Variants in MAD1L1 observed in about 807,000 individuals in gnomAD.
MAD1L1 encodes the protein mitotic arrest deficient 1 like 1.
A neutral mutation model predicts 96.9 loss-of-function variants in MAD1L1; 95 were observed. The ratio of observed to expected loss-of-function variants is 0.98; its 90% CI spans 0.83 to 1.16. The LOEUF is 1.16. MAD1L1 is among the 50% of genes most tolerant of loss of function. The pLI, the probability that MAD1L1 is intolerant of heterozygous loss-of-function variation, is 0.00. For missense variants in MAD1L1, 1,007 were observed against 954.4 expected (o/e 1.06, Z -0.73); for synonymous variants, 473 against 396.6 (o/e 1.19, Z -2.29).
At chr7:2,012,517 G>A (rs528530925) in intron 13 of MAD1L1, among the ~76,000 whole-genome samples, 1 of 152,352 alleles carries the variant, frequency 6.6e-6, no homozygotes, top group South Asian at 2.1e-4. Context: ...GACGACTGAA[G>A]GTCAGTGTGC....
intron 18 of MAD1L1, among the ~76,000 whole-genome samples, chr7:1,865,847 C>T (rs528961074): frequency 1.3e-4 from 20 of 152,354 alleles, no homozygotes; most frequent in Admixed American, 7.2e-4. Flanking sequence ...CCCTGTGCAC[C>T]GCCTGGGGGC....
chr7:2,010,898 A>AG (rs1455260450), intron 13 of MAD1L1, among the ~76,000 whole-genome samples: 3 of 152,090 alleles, frequency 2.0e-5, no homozygotes, highest in Admixed American at 1.3e-4. Context: ...TAGGAGTGTG[A>AG]GTGGGGGACA....
chr7:2,070,118 C>T (rs1026511917), intron 11 of MAD1L1, among the ~76,000 whole-genome samples: 9 of 152,220 alleles, frequency 5.9e-5, no homozygotes, highest in Non-Finnish European at 1.0e-4. Context: ...GGTGAGCTTC[C>T]GAGTTCGTGG....
At chr7:1,852,375 G>A (rs909508343) in intron 18 of MAD1L1, among the ~76,000 whole-genome samples, 6 of 152,150 alleles carry the variant, frequency 3.9e-5, no homozygotes, top group African/African-American at 1.4e-4. Context: ...GCCACCCTTA[G>A]ACTCAGAGCC....
At chr7:1,955,087 G>C (rs900623342) in intron 16 of MAD1L1, among the ~76,000 whole-genome samples, 1 of 152,234 alleles carries the variant, frequency 6.6e-6, no homozygotes, top group Non-Finnish European at 1.5e-5. Context: ...CCAGCTCTAA[G>C]GGGTAACTGA....
intron 18 of MAD1L1, among the ~76,000 whole-genome samples, chr7:1,818,350 G>A (rs1454160967): frequency 6.6e-6 from 1 of 152,128 alleles, no homozygotes; most frequent in Non-Finnish European, 1.5e-5. Context: ...GGCCCTCAGA[G>A]GCTGGCAGGC....
intron 11 of MAD1L1, chr7:2,079,962 G>T: frequency 5.7e-6 from 2 of 351,250 alleles, no homozygotes; most frequent in Non-Finnish European, 1.1e-5. Context: ...AGGTGTCCTG[G>T]ACACATCTAC....
intron 15 of MAD1L1, among the ~76,000 whole-genome samples, chr7:1,979,044 CG>C (rs1363899352): frequency 6.6e-6 from 1 of 152,176 alleles, no homozygotes; most frequent in Non-Finnish European, 1.5e-5. Context: ...CTTCCTGGGC[CG>C]GGGCCACACT....
intron 14 of MAD1L1, among the ~76,000 whole-genome samples, chr7:1,985,469 G>A (rs1300680522): frequency 1.4e-5 from 2 of 140,388 alleles, no homozygotes; most frequent in South Asian, 2.3e-4. Context: ...TCACTCTCTC[G>A]GGATAGACCA....
chr7:1,936,399 T>A (rs1778606991), intron 17 of MAD1L1, among the ~76,000 whole-genome samples: 1 of 152,188 alleles, frequency 6.6e-6, no homozygotes, highest in African/African-American at 2.4e-5. Context: ...ACATATAAAC[T>A]GACAAATGAT....
intron 11 of MAD1L1, among the ~76,000 whole-genome samples, chr7:2,085,605 T>C (rs899279506): frequency 6.6e-5 from 10 of 152,166 alleles, no homozygotes; most frequent in African/African-American, 1.7e-4. Flanking sequence ...TACTGTTGAA[T>C]TGACTTGGCA....
chr7:2,151,457 G>A (rs1164137291), intron 10 of MAD1L1, among the ~76,000 whole-genome samples: 1 of 152,212 alleles, frequency 6.6e-6, no homozygotes, highest in South Asian at 2.1e-4. Context: ...CATTTGGCAG[G>A]CAGTACCAGG....
Position 2,193,967 on chromosome 7 carries a change from G to A in MAD1L1, c.986+19245C>T, listed in dbSNP as rs534807108. Among the ~76,000 whole-genome samples, 84 of 94,444 alleles carry A rather than the reference G, an allele frequency of 8.9e-4. 1 individual carries two copies. The highest frequency in any genetic ancestry group is 1.8e-3 in the African/African-American group (50 of 28,270). 62.0% of individuals were successfully genotyped at this position (94,444 alleles called of 152,430 possible). A position where few individuals can be genotyped will look rare whatever the true frequency, so the allele number is the denominator to read the frequency against. ...TTTTTTTTTTTTTTTTTTTTGAGTC[G>A]GGTTCTTGCTCTATCACCTAGGCTG... On this transcript the variant is annotated intron_variant, in intron 10 of 18. Transcript: ENST00000265854.
intron 11 of MAD1L1, among the ~76,000 whole-genome samples, chr7:2,117,168 GC>G (rs372458040): frequency 7.0e-4 from 106 of 152,266 alleles, no homozygotes; most frequent in African/African-American, 1.9e-3. Context: ...CGTTCCCCAG[GC>G]CCCTCCTTCC....
chr7:2,033,080 C>G (rs1783302243), intron 12 of MAD1L1, among the ~76,000 whole-genome samples: 1 of 152,268 alleles, frequency 6.6e-6, no homozygotes, highest in Non-Finnish European at 1.5e-5. Flanking sequence ...CCATGATAAA[C>G]AGACGCAGAA....
intron 10 of MAD1L1, among the ~76,000 whole-genome samples, chr7:2,199,709 A>C (rs1447803180): frequency 1.3e-5 from 2 of 152,220 alleles, no homozygotes; most frequent in Non-Finnish European, 2.9e-5. Flanking sequence ...CAGCCACTGA[A>C]CTGCTGGGCC....
intron 17 of MAD1L1, among the ~76,000 whole-genome samples, chr7:1,911,950 C>T (rs1268168365): frequency 1.3e-5 from 2 of 152,274 alleles, no homozygotes; most frequent in Admixed American, 6.5e-5. Flanking sequence ...CCTGTCCAAC[C>T]CGCCCTCCAT....
At chr7:1,895,273 G>A (rs1282831889) in intron 18 of MAD1L1, among the ~76,000 whole-genome samples, 3 of 152,206 alleles carry the variant, frequency 2.0e-5, no homozygotes, top group Non-Finnish European at 4.4e-5. Flanking sequence ...CATGATGGAT[G>A]TGCCAGGAAC....
intron 11 of MAD1L1, among the ~76,000 whole-genome samples, chr7:2,094,036 T>C (rs1339981541): frequency 6.6e-6 from 1 of 152,210 alleles, no homozygotes; most frequent in Non-Finnish European, 1.5e-5. Context: ...TCTGTGCAGC[T>C]TGCAGGGCCA....
Sources: gnomAD v4.1 joint callset for allele counts (sites outside exome capture counted in the v4.1 genomes callset) on GRCh38, gnomAD v4.1.1 for gene constraint, MANE v1.5 for transcripts, NCBI Gene and HGNC (gene_info 2026-07-23, HGNC 2026-07-21) for gene names.